The following PCDHA2 variants were observed in gnomAD, a reference collection of about 807,000 sequenced individuals.
PCDHA2 encodes protocadherin alpha 2.
A neutral mutation model predicts 66.0 loss-of-function variants in PCDHA2; 58 were observed. The ratio of observed to expected loss-of-function variants is 0.88; its 90% confidence interval spans 0.71 to 1.09. The LOEUF (loss-of-function observed/expected upper bound fraction) is 1.09, where lower values mean the gene tolerates loss of function less well. PCDHA2 is among the 50% of genes least tolerant of loss of function. PCDHA2 has a pLI of 0.00. For synonymous variants in PCDHA2, 634 were observed against 554.0 expected (o/e 1.14, Z -2.03); for missense variants, 1,267 against 1,242.3 (o/e 1.02, Z -0.30).
At position 140,973,042 on chromosome 5, in the gene PCDHA2, T is replaced by C. The variant is rs78535788; in HGVS notation, c.2389-5907T>C. Among the ~76,000 whole-genome samples the C allele has an allele frequency of 5.1e-3, 779 of 152,252 alleles. 6 individuals carry two copies. Among genetic ancestry groups the C allele is most frequent in the African/African-American group, 0.018 (740 of 41,542 alleles). ...TGTTAATGAGTCACTTTGAGTACTCTAGTAGATTTGTCCAACAGTGTCTCA... is the reference window on the plus strand; with the variant it reads ...TGTTAATGAGTCACTTTGAGTACTCCAGTAGATTTGTCCAACAGTGTCTCA... On this transcript the variant is annotated intron_variant, in intron 1 of 3. Transcript: ENST00000526136.
chr5:141,010,938 A>G lies in PCDHA2; in HGVS notation c.*1001A>G, dbSNP rs1210392691. ...TCAAAAGAGAATTCAGTCTACAGCC[A>G]TTTAAATGATCATTGCTGCTACAGA... On this transcript the variant is annotated 3_prime_UTR_variant, in exon 4 of 4. Coordinates refer to ENST00000526136, the MANE Select transcript of PCDHA2 (RefSeq NM_018905.3). 6 of 153,824 alleles carry G rather than the reference A, an allele frequency of 3.9e-5. No homozygotes were observed. Among genetic ancestry groups the G allele is most frequent in the African/African-American group, 1.4e-4 (6 of 41,470 alleles). The allele number at this position is 153,824 out of a possible 1,614,324, so 9.5% of individuals were successfully genotyped here. A position where few individuals can be genotyped will look rare whatever the true frequency, so the allele number is the denominator to read the frequency against.
rs2150363462 is a variant in PCDHA2 at position 140,843,611 on chromosome 5, C to A, written c.2388+46259C>A. 3 of 1,595,894 alleles carry A rather than the reference C, an allele frequency of 1.9e-6. No individual in the cohort carries two copies. In the South Asian group the frequency reaches 3.3e-5, roughly 18 times the overall value. ...GCAGAGGGTGTGCTCTGGTGAGGGG[C>A]CACCGAAGACGGACCTCATGGCCTT... On this transcript the variant is annotated intron_variant, in intron 1 of 3. Coordinates refer to ENST00000526136, the MANE Select transcript of PCDHA2 (RefSeq NM_018905.3).
At chr5:140,851,088 A>G in intron 1 of PCDHA2, 2 of 1,298,258 alleles carry the variant, frequency 1.5e-6, no homozygotes, top group Non-Finnish European at 2.0e-6. Flanking sequence ...TGTATATTAA[A>G]TAGATATTTT....
At chr5:140,965,496 ATTTTTT>A (rs71766133) in intron 1 of PCDHA2, among the ~76,000 whole-genome samples, 2 of 146,442 alleles carry the variant, frequency 1.4e-5, no homozygotes, top group African/African-American at 2.5e-5. Flanking sequence ...ATGACAGCAG[ATTTTTT>A]TTTTTTTTTA....
chr5:140,875,378 T>G, intron 1 of PCDHA2: 1 of 1,458,602 alleles, frequency 6.9e-7, no homozygotes, highest in Non-Finnish European at 9.0e-7. Context: ...TTACTAAATA[T>G]GTACTTACAG....
At chr5:140,853,555 G>A in intron 1 of PCDHA2, 1 of 980,632 alleles carries the variant, frequency 1.0e-6, no homozygotes, top group Non-Finnish European at 1.2e-6. Context: ...TTACTATATA[G>A]GAAAAACTAA....
At chr5:140,809,629 T>C in intron 1 of PCDHA2, 9 of 1,505,976 alleles carry the variant, frequency 6.0e-6, no homozygotes, top group Non-Finnish European at 8.0e-6. Context: ...TATCAACTTC[T>C]TCGTAAATTT....
intron 1 of PCDHA2, among the ~76,000 whole-genome samples, chr5:140,902,686 A>G (rs1038713623): frequency 2.0e-5 from 3 of 152,090 alleles, no homozygotes; most frequent in Non-Finnish European, 4.4e-5. Context: ...CGTACCTAAT[A>G]TGTGTAGTCT....
rs191251073 is a variant in PCDHA2, at chr5:140,928,748, G to A, written c.2389-50201G>A. 503 of 1,614,114 alleles carry A rather than the reference G, an allele frequency of 3.1e-4. 5 individuals carry two copies. The East Asian group carries it at 1.0e-2, about 32-fold the overall frequency. Reference sequence around the variant, plus strand: ...ATTTCAGCCAATATAGGTGAGCTCCGTACTGCTCGCTTAGTTCTTCCCACT... The same window carrying A: ...ATTTCAGCCAATATAGGTGAGCTCCATACTGCTCGCTTAGTTCTTCCCACT... On this transcript the variant is annotated intron_variant, in intron 1 of 3. Transcript: ENST00000526136.
At chr5:140,930,208 A>G (rs939593947) in intron 1 of PCDHA2, 39 of 152,338 alleles carry the variant, frequency 2.6e-4, no homozygotes, top group African/African-American at 8.2e-4. Flanking sequence ...AGAAATATTT[A>G]TGTGTTCAAA....
At chr5:140,849,557 G>T (rs2150440607) in intron 1 of PCDHA2, 4 of 1,598,482 alleles carry the variant, frequency 2.5e-6, no homozygotes, top group Non-Finnish European at 3.4e-6. Context: ...CTATCAAAAC[G>T]CTCTCGGTTC....
intron 1 of PCDHA2, chr5:140,863,386 T>C (rs1554158163): frequency 9.7e-7 from 1 of 1,032,576 alleles, no homozygotes; most frequent in South Asian, 1.2e-5. Flanking sequence ...CGAGAGCTCG[T>C]GCATGCCGGG....
chr5:140,887,357 A>T (rs112910602), intron 1 of PCDHA2, among the ~76,000 whole-genome samples: 12,309 of 152,126 alleles, frequency 0.081, 539 homozygotes, highest in Middle Eastern at 0.13. Context: ...CGGCCTCCCA[A>T]AGTGCTGGGA....
intron 1 of PCDHA2, chr5:140,870,820 G>C (rs1554164732): frequency 1.9e-6 from 3 of 1,613,630 alleles, no homozygotes; most frequent in African/African-American, 1.3e-5. Context: ...TGGCAGCGCG[G>C]GAGGCGCAGT....
Position 140,848,043 on chromosome 5 carries a change from A to C in PCDHA2, c.2388+50691A>C, listed in dbSNP as rs115415885. On this transcript the variant is annotated intron_variant, in intron 1 of 3. Transcript: ENST00000526136. Reference sequence around the variant, plus strand: ...AAATTCGTGATTGCTCAATGGAATCATTTTAATTGTTACTTCATTTCTGTC... The same window carrying C: ...AAATTCGTGATTGCTCAATGGAATCCTTTTAATTGTTACTTCATTTCTGTC... 2.3e-3 allele frequency: 368 copies of C among 160,610 alleles called. 14 individuals carry two copies. Among genetic ancestry groups the C allele is most frequent in the African/African-American group, 8.0e-3 (330 of 41,090 alleles). 9.9% of individuals were successfully genotyped at this position (160,610 alleles called of 1,614,324 possible). A position where few individuals can be genotyped will look rare whatever the true frequency, so the allele number is the denominator to read the frequency against.
chr5:140,928,778 C>G (rs564618368), intron 1 of PCDHA2: 3 of 1,614,136 alleles, frequency 1.9e-6, no homozygotes, highest in East Asian at 4.5e-5. Context: ...CCCACTGATG[C>G]AGTTAAGCAG....
chr5:140,971,857 T>G (rs1312639660), intron 1 of PCDHA2, among the ~76,000 whole-genome samples: 12 of 152,198 alleles, frequency 7.9e-5, no homozygotes, highest in African/African-American at 2.9e-4. Flanking sequence ...TAAATATTTG[T>G]TAACATCTAG....
In PCDHA2 at chr5:140,836,623, G is replaced by C. The variant is rs2150266037; in HGVS notation, c.2388+39271G>C. 44 of 1,613,510 alleles carry C rather than the reference G, an allele frequency of 2.7e-5. 1 individual carries two copies. The highest frequency in any genetic ancestry group is 4.5e-5 in the East Asian group (2 of 44,856). On this transcript the variant is annotated intron_variant, in intron 1 of 3. Transcript: ENST00000526136. ...CTGGTGTGCTCCAGCGCGGTGGGGA[G>C]CTGGTCATTCTCCCAGCAGAGGCGG...
In PCDHA2 at chr5:140,797,060, A is replaced by T; in HGVS notation, c.2096A>T (p.Tyr699Phe). 6.2e-7 allele frequency: 1 copy of T among 1,613,724 alleles called. No homozygotes were observed. Among genetic ancestry groups the T allele is most frequent in the Admixed American group, 1.7e-5 (1 of 60,036 alleles). Reference sequence around the variant, plus strand: ...GCTACGCTGGTGGATGTCAACGTGTACCTGATCATCGCCATCTGCGCGGTA... The same window carrying T: ...GCTACGCTGGTGGATGTCAACGTGTTCCTGATCATCGCCATCTGCGCGGTA... ...SEATLVDVNVYLIIAICAVSS... is the reference protein window; with the variant it reads ...SEATLVDVNVFLIIAICAVSS... Residue 699 changes from tyrosine (Y) to phenylalanine (F), a missense_variant, in exon 1 of 4, where the codon TAC (tyrosine) becomes TTC (phenylalanine). Tyr to Phe is a conservative substitution (Grantham distance 22, BLOSUM62 3). Coordinates refer to ENST00000526136, the MANE Select transcript of PCDHA2 (RefSeq NM_018905.3).
Sources: gnomAD v4.1 joint callset for allele counts (sites outside exome capture counted in the v4.1 genomes callset) on GRCh38, gnomAD v4.1.1 for gene constraint, MANE v1.5 for transcripts, NCBI Gene and HGNC (gene_info 2026-07-23, HGNC 2026-07-21) for gene names.